The following CNIH3 variants were observed in gnomAD, a reference collection of about 807,000 sequenced individuals.
CNIH3 encodes the protein cornichon family AMPA receptor auxiliary protein 3, also known as protein cornichon homolog 3.
A neutral mutation model predicts 24.1 loss-of-function variants in CNIH3; 14 were observed. The ratio of observed to expected loss-of-function variants is 0.58; its 90% CI spans 0.38 to 0.91. The LOEUF is 0.91. Among genes scored for constraint, CNIH3 ranks in the 40% least tolerant of loss-of-function variants. The pLI, the probability that CNIH3 is intolerant of heterozygous loss-of-function variation, is 0.00. For missense variants in CNIH3, 178 were observed against 196.8 expected (o/e 0.90, Z 0.57); for synonymous variants, 68 against 73.8 (o/e 0.92, Z 0.40).
intron 1 of CNIH3, among the ~76,000 whole-genome samples, chr1:224,667,226 G>A (rs916029353): frequency 1.3e-5 from 2 of 152,174 alleles, no homozygotes; most frequent in Non-Finnish European, 2.9e-5. Context: ...TAAAGAAAAT[G>A]TAAAATAATG....
chr1:224,722,236 T>C (rs186909289), intron 3 of CNIH3, among the ~76,000 whole-genome samples: 77 of 152,286 alleles, frequency 5.1e-4, no homozygotes, highest in African/African-American at 1.9e-3. Flanking sequence ...GTGACCCTTG[T>C]ACGCTTTTCA....
At chr1:224,531,348 T>C (rs791509) in intron 2 of CNIH3, among the ~76,000 whole-genome samples, 47,998 of 152,042 alleles carry the variant, frequency 0.32, 10,446 homozygotes, top group African/African-American at 0.62. Context: ...TCATTAGTCA[T>C]ACTACTGAAT....
In CNIH3 at chr1:224,727,801, GC is replaced by G. The variant is rs146610920; in HGVS notation, c.199-2659del. Among the ~76,000 whole-genome samples, 585 of 152,242 alleles carry G rather than the reference GC, an allele frequency of 3.8e-3. 5 individuals are homozygous for G. Among genetic ancestry groups the G allele is most frequent in the African/African-American group, 0.014 (563 of 41,534 alleles). On this transcript the variant is annotated intron_variant, in intron 3 of 5. Coordinates refer to ENST00000272133, the MANE Select transcript of CNIH3 (RefSeq NM_152495.2). ...AAAAGTCTCTGGATTAATTGGAGGAGCCTCTTCTACTTGTAAGGATCCTGTT... is the reference window on the plus strand; with the variant it reads ...AAAAGTCTCTGGATTAATTGGAGGAGCTCTTCTACTTGTAAGGATCCTGTT...
At chr1:224,583,894 A>G (rs1355405772) in intron 5 of CNIH3, among the ~76,000 whole-genome samples, 2 of 152,252 alleles carry the variant, frequency 1.3e-5, no homozygotes, top group Admixed American at 6.5e-5. Context: ...TAATACAAGA[A>G]TAAGCAAGAC....
At chr1:224,588,134 C>T (rs1017532367) in intron 5 of CNIH3, among the ~76,000 whole-genome samples, 2 of 152,090 alleles carry the variant, frequency 1.3e-5, no homozygotes, top group African/African-American at 4.8e-5. Flanking sequence ...TGTTCGTTCC[C>T]TCCCTTGAGC....
chr1:224,661,713 C>G (rs1463927612), intron 1 of CNIH3: 7 of 195,442 alleles, frequency 3.6e-5, no homozygotes, highest in Non-Finnish European at 7.5e-5. Context: ...ATCTTATTTT[C>G]TAGCATCTGA....
intron 1 of CNIH3, among the ~76,000 whole-genome samples, chr1:224,679,461 G>A (rs1164973232): frequency 6.6e-6 from 1 of 152,202 alleles, no homozygotes; most frequent in East Asian, 1.9e-4. Context: ...CCCTGGCTTA[G>A]GCTGTGGGTG....
chr1:224,656,549 G>C (rs578249244), intron 1 of CNIH3, among the ~76,000 whole-genome samples: 1 of 151,902 alleles, frequency 6.6e-6, no homozygotes, highest in African/African-American at 2.4e-5. Flanking sequence ...GGCGGGCGGC[G>C]GGGGGGCGGT....
chr1:224,662,681 G>T (rs1685421103), intron 1 of CNIH3, among the ~76,000 whole-genome samples: 1 of 152,040 alleles, frequency 6.6e-6, no homozygotes, highest in Non-Finnish European at 1.5e-5. Flanking sequence ...TTAATTTATG[G>T]GTTCCTTTTT....
At chr1:224,500,767 A>C (rs550743454) in intron 1 of CNIH3, among the ~76,000 whole-genome samples, 5 of 152,238 alleles carry the variant, frequency 3.3e-5, no homozygotes, top group Admixed American at 3.3e-4. Context: ...CTGCCCCTGC[A>C]CCAACCCCAG....
chr1:224,660,511 AT>A (rs899240937), intron 1 of CNIH3, among the ~76,000 whole-genome samples: 48 of 145,364 alleles, frequency 3.3e-4, no homozygotes, highest in African/African-American at 1.0e-3. Context: ...TTTATATACA[AT>A]TTTTTTTTTC....
At chr1:224,564,115 ACT>A in intron 3 of CNIH3, among the ~76,000 whole-genome samples, 1 of 152,284 alleles carries the variant, frequency 6.6e-6, no homozygotes, top group Non-Finnish European at 1.5e-5. Flanking sequence ...ATTGAAGTGT[ACT>A]CTCTACTGGA....
rs978720128 is a variant in CNIH3, at chr1:224,483,641, G to A, written n.204-32100G>A. The stretch of plus-strand genomic sequence containing the variant: ...CAAAACTCCTGACCTCAAGTGATCC[G>A]CCCACCTTGGCATCCCAAAGTTCTG... On this transcript the variant is annotated intron_variant and non_coding_transcript_variant, in intron 1 of 5. Transcript: ENST00000471578. Among the ~76,000 whole-genome samples the A allele has an allele frequency of 5.3e-5, 8 of 150,908 alleles. No individual in the cohort carries two copies. In the South Asian group the frequency reaches 6.3e-4, roughly 12 times the overall value.
At chr1:224,716,427 C>T (rs1348340594) in intron 3 of CNIH3, among the ~76,000 whole-genome samples, 2 of 152,148 alleles carry the variant, frequency 1.3e-5, no homozygotes, top group South Asian at 2.1e-4. Flanking sequence ...CCACATAGGA[C>T]CCAGTATATA....
At chr1:224,511,507 C>A (rs1467870954), upstream of CNIH3, among the ~76,000 whole-genome samples, 1 of 152,160 alleles carries the variant, frequency 6.6e-6, no homozygotes, top group Non-Finnish European at 1.5e-5. Flanking sequence ...TATTCAGATC[C>A]TTGGAGGATA....
intron 1 of CNIH3, among the ~76,000 whole-genome samples, chr1:224,481,973 T>C: frequency 6.6e-6 from 1 of 152,180 alleles, no homozygotes; most frequent in East Asian, 1.9e-4. Flanking sequence ...TTTTCCACTC[T>C]TCCCTCTCCT....
intron 1 of CNIH3, among the ~76,000 whole-genome samples, chr1:224,504,141 C>A (rs1363161117): frequency 2.0e-5 from 3 of 152,170 alleles, no homozygotes; most frequent in African/African-American, 4.8e-5. Flanking sequence ...CCGAGTTAGA[C>A]CTAGGTTCAA....
chr1:224,729,916 C>A (rs1216311949), intron 3 of CNIH3, among the ~76,000 whole-genome samples: 1 of 152,204 alleles, frequency 6.6e-6, no homozygotes, highest in Admixed American at 6.5e-5. Flanking sequence ...TCGCGTTCCT[C>A]TTGCTCCATC....
intron 1 of CNIH3, among the ~76,000 whole-genome samples, chr1:224,677,805 G>A (rs1453510201): frequency 1.3e-5 from 2 of 152,222 alleles, no homozygotes; most frequent in South Asian, 2.1e-4. Flanking sequence ...TGTCCACAAT[G>A]TGGGGGCTTG....
Sources: gnomAD v4.1 joint callset for allele counts (sites outside exome capture counted in the v4.1 genomes callset) on GRCh38, gnomAD v4.1.1 for gene constraint, MANE v1.5 for transcripts, NCBI Gene and HGNC (gene_info 2026-07-23, HGNC 2026-07-21) for gene names.